The following MCF2L variants were observed in gnomAD, a reference collection of about 807,000 sequenced individuals.
The protein encoded by MCF2L is MCF.2 cell line derived transforming sequence like.
In MCF2L, 97 loss-of-function variants were observed where a neutral mutation model predicts 153.4. That is an observed-to-expected ratio of 0.63 (90% CI 0.54 to 0.75). MCF2L has a LOEUF of 0.75. MCF2L is among the 30% of genes least tolerant of loss of function. The pLI, the probability that MCF2L is intolerant of heterozygous loss-of-function variation, is 0.00. For missense variants in MCF2L, 1,347 were observed against 1,495.2 expected (o/e 0.90, Z 1.64); for synonymous variants, 659 against 632.2 (o/e 1.04, Z -0.64).
At chr13:112,975,459 G>T (rs1156441379) in intron 1 of MCF2L, among the ~76,000 whole-genome samples, 1 of 152,244 alleles carries the variant, frequency 6.6e-6, no homozygotes, top group African/African-American at 2.4e-5. Context: ...GGACTCAGGA[G>T]AGCACCTACC....
intron 3 of MCF2L, among the ~76,000 whole-genome samples, chr13:113,032,482 C>T (rs190192468): frequency 3.3e-5 from 5 of 152,358 alleles, no homozygotes; most frequent in Admixed American, 3.3e-4. Context: ...CAGGACATGC[C>T]GCCTCGCAGC....
rs75688226 is a variant in MCF2L at position 112,911,251 on chromosome 13, G to A, written c.169+8880G>A. ...AGGCTGGGTCTGGTCAGAGGTGATG[G>A]CCAGAGGGAGCCCGTTTGCAATGTC... On this transcript the variant is annotated intron_variant, in intron 2 of 29. Transcript: ENST00000375608. Among the ~76,000 whole-genome samples, 536 of 152,332 alleles carry A rather than the reference G, an allele frequency of 3.5e-3. 3 individuals are homozygous for A. Among genetic ancestry groups the A allele is most frequent in the South Asian group, 0.011 (51 of 4,830 alleles).
rs998635040 is a variant in MCF2L, at chr13:112,993,118, G to C, written c.80-21645G>C. Reference sequence around the variant, plus strand: ...GCTTTTAAGCCAGAGATTACCACGCGCTGCCGCGGAGGGAGAGGTAGCGCG... The same window carrying C: ...GCTTTTAAGCCAGAGATTACCACGCCCTGCCGCGGAGGGAGAGGTAGCGCG... On this transcript the variant is annotated intron_variant, in intron 1 of 29. Transcript: ENST00000535094. The surrounding 1 kb of genome is among the most constrained non-coding windows in gnomAD (Gnocchi z 4.6). 1.3e-5 allele frequency among the ~76,000 whole-genome samples: 2 copies of C among 152,252 alleles called. No homozygotes were observed. The highest frequency in any genetic ancestry group is 4.8e-5 in the African/African-American group (2 of 41,464).
chr13:113,090,254 G>T (rs537630338), intron 26 of MCF2L: 2 of 1,376,162 alleles, frequency 1.5e-6, no homozygotes, highest in East Asian at 7.3e-5. Flanking sequence ...TCACAAGGGC[G>T]GCCACGCAAA....
chr13:113,097,196 T>C lies in MCF2L; in HGVS notation c.*337T>C, dbSNP rs967715167. ...GGGGACGCGCGGACCGTGGTGGAGC[T>C]GCTTCCGGAGAAGTGGAGGATCCTC... On this transcript the variant is annotated 3_prime_UTR_variant, in exon 30 of 30. Coordinates refer to ENST00000535094, the MANE Select transcript of MCF2L (RefSeq NM_001112732.3). The C allele has an allele frequency of 4.2e-6, 1 of 240,000 alleles. No homozygotes were observed. The highest frequency in any genetic ancestry group is 2.3e-5 in the African/African-American group (1 of 44,030). The allele number at this position is 240,000 out of a possible 1,614,324, so 14.9% of individuals were successfully genotyped here.
At chr13:113,095,857 A>G in intron 27 of MCF2L, 1 of 962,108 alleles carries the variant, frequency 1.0e-6, no homozygotes, top group Non-Finnish European at 1.3e-6. Flanking sequence ...GCTGTGTGCC[A>G]GGCACAGTTC....
intron 4 of MCF2L, among the ~76,000 whole-genome samples, chr13:113,060,348 T>C (rs2141757410): frequency 6.6e-6 from 1 of 152,358 alleles, no homozygotes; most frequent in South Asian, 2.1e-4. Context: ...TTTGGACTTT[T>C]ACATTTGTAA....
In MCF2L at chr13:113,050,157, TGTGA is replaced by T. The variant is rs71802202; in HGVS notation, c.369+4800_369+4803del. On this transcript the variant is annotated intron_variant, in intron 4 of 29. Coordinates refer to ENST00000535094, the MANE Select transcript of MCF2L (RefSeq NM_001112732.3). ...TTCCACTGTACTGCATGTGTGAGTGTGTGAGTGTGAGTGTGTGACTGTGTGTGTG... is the reference window on the plus strand; with the variant it reads ...TTCCACTGTACTGCATGTGTGAGTGTGTGTGAGTGTGTGACTGTGTGTGTG... 9.9e-3 allele frequency among the ~76,000 whole-genome samples: 1,511 copies of T among 152,064 alleles called. 52 individuals carry two copies. In the East Asian group the frequency reaches 0.12, roughly 12 times the overall value.
chr13:112,909,418 T>G, intron 2 of MCF2L: 1 of 722,936 alleles, frequency 1.4e-6, no homozygotes, highest in South Asian at 1.5e-5. Context: ...TCTGCAGGGG[T>G]TTGGGGCAGG....
Position 113,088,599 on chromosome 13 carries a change from C to T in MCF2L, c.2805C>T (p.Ser935=), listed in dbSNP as rs139497556. The change falls in exon 25 of 30, where the codon AGC becomes AGT. Residue 935 remains serine, a synonymous_variant. Transcript: ENST00000535094. ...ACCGGGCGCTGGAGCAGTCACAGAG[C>T]CTGCCCCTGCCGGCCCCGACCAGCA... ...SQHRALEQSQ[S]LPLPAPTSTS... is the part of the protein sequence containing the mutation. 5.8e-5 allele frequency: 93 copies of T among 1,609,060 alleles called. No homozygotes were observed. In the African/African-American group the frequency reaches 1.2e-3, roughly 21 times the overall value.
chr13:112,981,136 G>C (rs1279077567), intron 1 of MCF2L, among the ~76,000 whole-genome samples: 1 of 150,348 alleles, frequency 6.7e-6, no homozygotes, highest in African/African-American at 2.5e-5. Flanking sequence ...GTCCCTTCCT[G>C]TGCACTGGAG....
At chr13:112,917,115 C>G (rs1307994045) in intron 2 of MCF2L, 1 of 471,264 alleles carries the variant, frequency 2.1e-6, no homozygotes, top group Non-Finnish European at 4.4e-6. Context: ...TGTACTCAGC[C>G]CCTCGGCGAT....
At chr13:112,968,825 C>CG, upstream of MCF2L, 3 of 1,286,264 alleles carry the variant, frequency 2.3e-6, no homozygotes, top group Non-Finnish European at 2.0e-6. Flanking sequence ...GACCCGGAAC[C>CG]GGGGGGAAGG....
chr13:113,074,761 G>A lies in MCF2L; in HGVS notation c.1116+198G>A. Among the ~76,000 whole-genome samples, 1 of 152,106 alleles carries A rather than the reference G, an allele frequency of 6.6e-6. No homozygotes were observed. The highest frequency in any genetic ancestry group is 6.5e-5 in the Admixed American group (1 of 15,282). ...CACCCACAGCACATGGCCCTGCCCG[G>A]CCTCCTCTGGGTCAGGTCCCTGCAG... On this transcript the variant is annotated intron_variant, in intron 10 of 29. Coordinates refer to ENST00000535094, the MANE Select transcript of MCF2L (RefSeq NM_001112732.3). This position sits in a 1 kb window ranked among gnomAD's most constrained non-coding sequence, Gnocchi z 4.2.
Position 113,017,377 on chromosome 13 carries a change from A to T in MCF2L, c.163+2531A>T, listed in dbSNP as rs138031297. Among the ~76,000 whole-genome samples, 327 of 152,230 alleles carry T rather than the reference A, an allele frequency of 2.1e-3. 2 individuals are homozygous for T. The highest frequency in any genetic ancestry group is 7.5e-3 in the African/African-American group (313 of 41,530). ...CTTGGCATCTTCATGCAGCCGCCTCACCTGTACGTCGGTGTCTCCTCTTCT... is the reference window on the plus strand; with the variant it reads ...CTTGGCATCTTCATGCAGCCGCCTCTCCTGTACGTCGGTGTCTCCTCTTCT... On this transcript the variant is annotated intron_variant, in intron 2 of 29. Transcript: ENST00000535094.
At position 113,097,271 on chromosome 13, in the gene MCF2L, A is replaced by T; in HGVS notation, c.*412A>T. On this transcript the variant is annotated 3_prime_UTR_variant, in exon 30 of 30. Coordinates refer to ENST00000535094, the MANE Select transcript of MCF2L (RefSeq NM_001112732.3). ...GGCACGGGGTCTCTTTAGCTTTTAC[A>T]AGTTTTAGGATTTTTTCAAGCAGGG... is the stretch of plus-strand genomic sequence containing the variant. The T allele has an allele frequency of 5.9e-6, 1 of 168,596 alleles. No homozygotes were observed. 10.4% of individuals were successfully genotyped at this position (168,596 alleles called of 1,614,324 possible). A position where few individuals can be genotyped will look rare whatever the true frequency, so the allele number is the denominator to read the frequency against.
chr13:113,076,693 G>A (rs940545649), intron 12 of MCF2L, among the ~76,000 whole-genome samples: 7 of 152,270 alleles, frequency 4.6e-5, no homozygotes, highest in South Asian at 2.1e-4. Flanking sequence ...TCCCGCCTCC[G>A]CTGGCAGACT....
intron 1 of MCF2L, among the ~76,000 whole-genome samples, chr13:112,982,109 A>G (rs1166916159): frequency 6.6e-6 from 1 of 152,118 alleles, no homozygotes; most frequent in African/African-American, 2.4e-5. Flanking sequence ...AGCAGAGAGC[A>G]TGGGGCCGAC....
rs1470194344 is a variant in MCF2L, at chr13:113,098,694, C to T, written c.*1835C>T. On this transcript the variant is annotated 3_prime_UTR_variant, in exon 30 of 30. Coordinates refer to ENST00000535094, the MANE Select transcript of MCF2L (RefSeq NM_001112732.3). The stretch of plus-strand genomic sequence containing the variant: ...AGGGCCCAGCGTGCGGCTCAGGCAC[C>T]GAGCAACCGCTTTGCTTTCTTCTGT... The T allele has an allele frequency of 3.9e-5, 6 of 152,262 alleles. No homozygotes were observed. Among genetic ancestry groups the T allele is most frequent in the Non-Finnish European group, 7.3e-5 (5 of 68,048 alleles). 9.4% of individuals were successfully genotyped at this position (152,262 alleles called of 1,614,324 possible).
Sources: gnomAD v4.1 joint callset for allele counts (sites outside exome capture counted in the v4.1 genomes callset) on GRCh38, gnomAD v4.1.1 for gene constraint, Gnocchi (gnomAD v3.1) non-coding constraint, MANE v1.5 for transcripts, NCBI Gene and HGNC (gene_info 2026-07-23, HGNC 2026-07-21) for gene names.